AGAP1: variants seen among roughly 807,000 people sequenced by gnomAD.
AGAP1 encodes the protein ArfGAP with GTPase domain, ankyrin repeat and PH domain 1.
In AGAP1, 29 loss-of-function variants were observed where a neutral mutation model predicts 105.3. The observed-to-expected ratio is 0.28, with a 90% CI of 0.21 to 0.38. The LOEUF (loss-of-function observed/expected upper bound fraction) is 0.38. Ranked by LOEUF, AGAP1 falls within the 10% of genes least tolerant of loss-of-function variation. The pLI is 1.00. For missense variants in AGAP1, 998 were observed against 1,165.1 expected (o/e 0.86, Z 2.09); for synonymous variants, 509 against 485.9 (o/e 1.05, Z -0.63).
rs992483971 is a variant in AGAP1 at position 235,931,475 on chromosome 2, T to G, written c.1483+552T>G. 1.3e-5 allele frequency among the ~76,000 whole-genome samples: 2 copies of G among 152,012 alleles called. No individual in the cohort carries two copies. Among genetic ancestry groups the G allele is most frequent in the African/African-American group, 4.8e-5 (2 of 41,380 alleles). ...ATTATTTTGACAAGTGTATCCAGCT[T>G]TTTGGGGAATAAGCATGCACGTTGG... On this transcript the variant is annotated intron_variant, in intron 12 of 17. Transcript: ENST00000304032. The surrounding 1 kb of genome is among the most constrained non-coding windows in gnomAD (Gnocchi z 5.6).
At position 235,635,654 on chromosome 2, in the gene AGAP1, G is replaced by A. The variant is rs1946971750; in HGVS notation, c.164-73525G>A. ...TAGGGAGGCATCAGAGTTAGCCATG[G>A]CACCTTCTCCAAAGCTGCCTCGCTC... On this transcript the variant is annotated intron_variant, in intron 1 of 17. Transcript: ENST00000304032. The surrounding 1 kb of genome is among the most constrained non-coding windows in gnomAD (Gnocchi z 5.3). Among the ~76,000 whole-genome samples the A allele has an allele frequency of 6.6e-6, 1 of 151,986 alleles. No homozygotes were observed. Among genetic ancestry groups the A allele is most frequent in the African/African-American group, 2.4e-5 (1 of 41,376 alleles).
rs1286887005 is a variant in AGAP1 at position 235,511,743 on chromosome 2, T to C, written c.163+16894T>C. Among the ~76,000 whole-genome samples the C allele has an allele frequency of 2.0e-5, 3 of 146,512 alleles. No homozygotes were observed. The East Asian group carries it at 6.5e-4, about 32-fold the overall frequency. On this transcript the variant is annotated intron_variant, in intron 1 of 17. Transcript: ENST00000304032. ...TTTGTAGGGTGGGGAGAAAAACCCA[T>C]GTAATTTCCCCAAACTGTGGATTTT...
At position 236,050,995 on chromosome 2, in the gene AGAP1, A is replaced by G. The variant is rs1026532697; in HGVS notation, c.2114+1714A>G. Among the ~76,000 whole-genome samples the G allele has an allele frequency of 6.6e-6, 1 of 152,210 alleles. No individual in the cohort carries two copies. Among genetic ancestry groups the G allele is most frequent in the Non-Finnish European group, 1.5e-5 (1 of 68,044 alleles). ...AGAGCCCTGTCTTTTTTCCAGTGTTACATACATCACATCATTATATTTTAG... is the reference window on the plus strand; with the variant it reads ...AGAGCCCTGTCTTTTTTCCAGTGTTGCATACATCACATCATTATATTTTAG... On this transcript the variant is annotated intron_variant, in intron 16 of 17. Transcript: ENST00000304032. The surrounding 1 kb of genome is among the most constrained non-coding windows in gnomAD (Gnocchi z 4.0).
rs1226298723 is a variant in AGAP1 at position 235,971,746 on chromosome 2, TTTA to T, written c.1645+3126_1645+3128del. Among the ~76,000 whole-genome samples, 2,398 of 91,890 alleles carry T rather than the reference TTTA, an allele frequency of 0.026. 60 individuals carry two copies. Among genetic ancestry groups the T allele is most frequent in the African/African-American group, 0.1 (2,230 of 22,374 alleles). 60.3% of individuals were successfully genotyped at this position (91,890 alleles called of 152,430 possible). On this transcript the variant is annotated intron_variant, in intron 13 of 17. Transcript: ENST00000304032. The surrounding 1 kb of genome is among the most constrained non-coding windows in gnomAD (Gnocchi z 4.8). ...AGCTAGTTATATATGTTTTATTTTA[TTTA>T]TTTATTTATTTATTTATTTATTTAT...
At chr2:235,825,689 C>T (rs903518779) in intron 9 of AGAP1, among the ~76,000 whole-genome samples, 1 of 152,082 alleles carries the variant, frequency 6.6e-6, no homozygotes, top group African/African-American at 2.4e-5. Context: ...ACTAATTTAT[C>T]AAATATGTTT....
chr2:236,085,284 A>G (rs1559260801), intron 16 of AGAP1, among the ~76,000 whole-genome samples: 1 of 152,060 alleles, frequency 6.6e-6, no homozygotes, highest in Non-Finnish European at 1.5e-5. Context: ...TGGCCAGGAC[A>G]AATAGAGAAG....
Position 235,960,938 on chromosome 2 carries a change from A to G in AGAP1, c.1484-7524A>G, listed in dbSNP as rs1310461607. 6.6e-6 allele frequency among the ~76,000 whole-genome samples: 1 copy of G among 152,190 alleles called. No individual in the cohort carries two copies. The highest frequency in any genetic ancestry group is 1.5e-5 in the Non-Finnish European group (1 of 68,028). On this transcript the variant is annotated intron_variant, in intron 12 of 17. Coordinates refer to ENST00000304032, the MANE Select transcript of AGAP1 (RefSeq NM_001037131.3). This position sits in a 1 kb window ranked among gnomAD's most constrained non-coding sequence, Gnocchi z 4.9. ...TTTAAAACTAAGTCGCGAAATTGAT[A>G]CACTGCTGTGTGATACACCAGAAAG...
intron 2 of AGAP1, among the ~76,000 whole-genome samples, chr2:235,711,584 G>A (rs538450740): frequency 1.7e-4 from 26 of 152,272 alleles, no homozygotes; most frequent in Non-Finnish European, 3.4e-4. Context: ...TTCTCAGAAC[G>A]GTCCTGTCCC....
chr2:235,538,425 CTATG>C (rs1200861463), intron 1 of AGAP1, among the ~76,000 whole-genome samples: 1 of 28,588 alleles, frequency 3.5e-5, no homozygotes, highest in African/African-American at 1.5e-4. Flanking sequence ...ACCTCAGCCA[CTATG>C]TGTGTGTGTG....
At chr2:235,912,093 A>AAT (rs2051646555) in intron 11 of AGAP1, among the ~76,000 whole-genome samples, 1 of 152,254 alleles carries the variant, frequency 6.6e-6, no homozygotes, top group Non-Finnish European at 1.5e-5. Context: ...AGAATAAGCC[A>AAT]TGGGCGGAGG....
intron 1 of AGAP1, among the ~76,000 whole-genome samples, chr2:235,595,814 G>T (rs1010995683): frequency 2.0e-5 from 3 of 152,180 alleles, no homozygotes; most frequent in Admixed American, 2.0e-4. Context: ...GAAAGTTTCC[G>T]TTGTCTTTGA....
intron 6 of AGAP1, among the ~76,000 whole-genome samples, chr2:235,766,773 G>A (rs1300542713): frequency 6.6e-6 from 1 of 152,128 alleles, no homozygotes; most frequent in Non-Finnish European, 1.5e-5. Flanking sequence ...AAGGAGTCTG[G>A]CTCTGTCGCC....
intron 9 of AGAP1, among the ~76,000 whole-genome samples, chr2:235,869,912 G>A (rs1032881314): frequency 3.3e-5 from 5 of 152,184 alleles, no homozygotes; most frequent in South Asian, 2.1e-4. Flanking sequence ...ACAAGGCTGC[G>A]CAGGCTTCCC....
At position 235,622,504 on chromosome 2, in the gene AGAP1, G is replaced by A. The variant is rs973238732; in HGVS notation, c.164-86675G>A. 6.6e-6 allele frequency among the ~76,000 whole-genome samples: 1 copy of A among 152,126 alleles called. No homozygotes were observed. The highest frequency in any genetic ancestry group is 2.4e-5 in the African/African-American group (1 of 41,438). Reference sequence around the variant, plus strand: ...GTCTGGGATCTGAAGACAGCAGTTGGGGAGGACAGTGTTGGCTGCTGCTGT... The same window carrying A: ...GTCTGGGATCTGAAGACAGCAGTTGAGGAGGACAGTGTTGGCTGCTGCTGT... On this transcript the variant is annotated intron_variant, in intron 1 of 17. Coordinates refer to ENST00000304032, the MANE Select transcript of AGAP1 (RefSeq NM_001037131.3). The surrounding 1 kb of genome is among the most constrained non-coding windows in gnomAD (Gnocchi z 5.0).
intron 1 of AGAP1, among the ~76,000 whole-genome samples, chr2:235,644,350 C>T (rs1397473466): frequency 2.0e-5 from 3 of 152,296 alleles, no homozygotes; most frequent in East Asian, 1.9e-4. Flanking sequence ...GGCCTCTTCA[C>T]GGATGTGTGT....
rs546565096 is a variant in AGAP1, at chr2:235,753,586, A to C, written c.673+3098A>C. 6.6e-6 allele frequency among the ~76,000 whole-genome samples: 1 copy of C among 152,150 alleles called. No individual in the cohort carries two copies. The highest frequency in any genetic ancestry group is 2.4e-5 in the African/African-American group (1 of 41,522). On this transcript the variant is annotated intron_variant, in intron 6 of 17. Coordinates refer to ENST00000304032, the MANE Select transcript of AGAP1 (RefSeq NM_001037131.3). The surrounding 1 kb of genome is among the most constrained non-coding windows in gnomAD (Gnocchi z 4.5). ...CCGGGCATGGTGGCAGGCACCTGTA[A>C]TCCCAGCTACTCAGGAAGCCAAGGC... is the stretch of plus-strand genomic sequence containing the variant.
rs370106038 is a variant in AGAP1 at position 235,906,529 on chromosome 2, G to A, written c.1156-2209G>A. On this transcript the variant is annotated intron_variant, in intron 10 of 17. Coordinates refer to ENST00000304032, the MANE Select transcript of AGAP1 (RefSeq NM_001037131.3). The surrounding 1 kb of genome is among the most constrained non-coding windows in gnomAD (Gnocchi z 5.3). ...CAGAGTGTCCCCCGCCAGTGTGGCT[G>A]TGCCCTCATGTAAAGAGGTTCTCCT... is the stretch of plus-strand genomic sequence containing the variant. Among the ~76,000 whole-genome samples the A allele has an allele frequency of 6.6e-6, 1 of 152,160 alleles. No homozygotes were observed. The highest frequency in any genetic ancestry group is 1.5e-5 in the Non-Finnish European group (1 of 68,034).
intron 1 of AGAP1, among the ~76,000 whole-genome samples, chr2:235,518,499 G>T (rs1205048835): frequency 6.6e-6 from 1 of 152,134 alleles, no homozygotes; most frequent in Non-Finnish European, 1.5e-5. Flanking sequence ...GAAATTCCTT[G>T]GATTTCCTCT....
chr2:236,021,685 T>A (rs2056888384), intron 13 of AGAP1, among the ~76,000 whole-genome samples: 1 of 152,164 alleles, frequency 6.6e-6, no homozygotes, highest in East Asian at 1.9e-4. Context: ...CCCTGCTGTA[T>A]CGCAAGATGT....
Sources: gnomAD v4.1 joint callset for allele counts (sites outside exome capture counted in the v4.1 genomes callset) on GRCh38, gnomAD v4.1.1 for gene constraint, Gnocchi (gnomAD v3.1) non-coding constraint, MANE v1.5 for transcripts, NCBI Gene and HGNC (gene_info 2026-07-23, HGNC 2026-07-21) for gene names.